Variants in WDR45 observed in about 807,000 individuals in gnomAD.
WDR45 encodes the protein WD repeat domain phosphoinositide-interacting protein 4.
A neutral mutation model predicts 27.3 loss-of-function variants in WDR45; 2 were observed. That is an observed-to-expected ratio of 0.07 (90% confidence interval 0.03 to 0.23). The LOEUF (loss-of-function observed/expected upper bound fraction) is 0.23, where lower values mean the gene tolerates loss of function less well. Among genes scored for constraint, WDR45 ranks in the 10% least tolerant of loss-of-function variants. WDR45 has a pLI of 1.00. For synonymous variants in WDR45, 99 were observed against 119.2 expected, an observed-to-expected ratio of 0.83 and a Z score of 1.11; for missense variants, 175 against 311.9, an observed-to-expected ratio of 0.56 and a Z score of 3.31.
intron 2 of WDR45, among the ~76,000 whole-genome samples, chrX:49,096,716 T>A (rs2065126741): frequency 1.8e-5 from 2 of 112,636 alleles, no homozygotes; most frequent in South Asian, 7.2e-4. Flanking sequence ...AGTGCTGGGA[T>A]TACAGGCATG....
chrX:49,091,802 G>A (rs1187145335), intron 2 of WDR45, among the ~76,000 whole-genome samples: 1 of 87,201 alleles, frequency 1.1e-5, no homozygotes, highest in African/African-American at 4.2e-5. Context: ...ATTTAGAAGA[G>A]TTCATACTAA....
chrX:49,078,098 T>C lies in WDR45; in HGVS notation c.-3A>G, dbSNP rs1557084571. The C allele has an allele frequency of 1.7e-6, 2 of 1,210,199 alleles. No individual in the cohort carries two copies. The highest frequency in any genetic ancestry group is 3.5e-5 in the African/African-American group (2 of 57,378). ...CCTCGAAGTGGCTGTTGAGTCATGG[T>C]GCAGGATTGTTCCTCTGCATACAAA... On this transcript the variant is annotated 5_prime_UTR_variant, in exon 2 of 11. Transcript: ENST00000376372.
chrX:49,078,280 G>A (rs1161774581), intron 1 of WDR45, among the ~76,000 whole-genome samples, 168 bp from the exon 2 acceptor site: 1 of 112,713 alleles, frequency 8.9e-6, no homozygotes, highest in Non-Finnish European at 1.9e-5. Flanking sequence ...CCAGCACTTT[G>A]GGAGGCCAAG....
At chrX:49,095,015 C>T (rs1400649848) in intron 2 of WDR45, among the ~76,000 whole-genome samples, 5 of 108,929 alleles carry the variant, frequency 4.6e-5, no homozygotes, top group African/African-American at 1.3e-4. Flanking sequence ...CTCAAACTCC[C>T]GACCTCAGGT....
intron 2 of WDR45, among the ~76,000 whole-genome samples, chrX:49,096,794 G>T (rs377262677): frequency 9.0e-6 from 1 of 111,286 alleles, no homozygotes; most frequent in African/African-American, 3.3e-5. Flanking sequence ...TCGCTCTGTC[G>T]CCAGGCTGGA....
rs1357951972 is a variant in WDR45, at chrX:49,097,474, G to A, written c.-18+2731C>T. ...CCCGAGTAGCTGGGACTACAGGCAC[G>A]TGCCACCATGCCCAGCTCATTTTTT... On this transcript the variant is annotated intron_variant, in intron 2 of 11. Transcript: ENST00000356463. Among the ~76,000 whole-genome samples the A allele has an allele frequency of 2.8e-5, 3 of 107,337 alleles. No individual in the cohort carries two copies. The East Asian group carries it at 8.8e-4, about 32-fold the overall frequency. 93.2% of individuals were successfully genotyped at this position (107,337 alleles called of 115,157 possible).
At chrX:49,075,976 C>T (rs1557084163) in intron 6 of WDR45, 31 bp from the exon 7 acceptor site, 5 of 1,124,160 alleles carry the variant, frequency 4.4e-6, no homozygotes, top group Admixed American at 2.3e-5. Flanking sequence ...GTGGGGTGGG[C>T]GGCTGAAGAG....
In WDR45 at chrX:49,076,505, T is replaced by G; in HGVS notation, c.361A>C (p.Asn121His). The G allele has an allele frequency of 8.3e-7, 1 of 1,211,996 alleles. No homozygotes were observed. The highest frequency in any genetic ancestry group is 1.8e-5 in the South Asian group (1 of 57,030). Residue 121 changes from asparagine to histidine, a missense_variant, in exon 6 of 11, where the codon AAC (asparagine) becomes CAC (histidine). Physicochemically the swap from Asn to His is moderately conservative, Grantham distance 68 (BLOSUM62 1). Around this residue, in one of 3 missense-constraint regions of WDR45, gnomAD observed 102 missense variants for 165.4 expected, o/e 0.62. Coordinates refer to ENST00000376372, the MANE Select transcript of WDR45 (RefSeq NM_001029896.2). ...GGGAAGGAGTACACATAGATGCGGT[T>G]CTTCAGCACGATCACGATCCTGTGG... ...RHDKIVIVLK[N>H]RIYVYSFPDN...
intron 2 of WDR45, among the ~76,000 whole-genome samples, chrX:49,098,205 G>C (rs925851237): frequency 5.4e-5 from 6 of 110,273 alleles, no homozygotes; most frequent in Non-Finnish European, 1.1e-4. Flanking sequence ...CTTTAAAAAA[G>C]ATAATACTGC....
At chrX:49,075,095 C>T in intron 10 of WDR45, 41 bp downstream of exon 10, 1 of 1,203,617 alleles carries the variant, frequency 8.3e-7, no homozygotes, top group South Asian at 1.8e-5. Flanking sequence ...CAGGCCTTTG[C>T]CCCATGCAGT....
chrX:49,078,062 G>C lies in WDR45; in HGVS notation c.34C>G (p.Leu12Val). Residue 12 changes from leucine (L) to valine (V), a missense_variant, in exon 2 of 11, where the codon CTG (leucine) becomes GTG (valine). Around this residue, in one of 3 missense-constraint regions of WDR45, gnomAD observed 102 missense variants for 165.4 expected, o/e 0.62. Coordinates refer to ENST00000376372, the MANE Select transcript of WDR45 (RefSeq NM_001029896.2). Reference sequence around the variant, plus strand: ...TCACTTTGGTCTTGGTTGAAACGCAGGCTGGTCACTCCTCGAAGTGGCTGT... The same window carrying C: ...TCACTTTGGTCTTGGTTGAAACGCACGCTGGTCACTCCTCGAAGTGGCTGT... ...TQQPLRGVTS[L>V]RFNQDQSCFC... 8.2e-7 allele frequency: 1 copy of C among 1,212,156 alleles called. No homozygotes were observed. Among genetic ancestry groups the C allele is most frequent in the East Asian group, 3.0e-5 (1 of 33,866 alleles).
intron 2 of WDR45, among the ~76,000 whole-genome samples, chrX:49,091,978 A>G (rs1602549735): frequency 2.0e-5 from 2 of 101,091 alleles, no homozygotes; most frequent in African/African-American, 7.2e-5. Context: ...AAAATTAGCC[A>G]GGCGTGGTGG....
chrX:49,078,153 C>T, intron 1 of WDR45, 41 bp from the exon 2 acceptor site: 15 of 1,134,682 alleles, frequency 1.3e-5, no homozygotes, highest in Non-Finnish European at 1.8e-5. Context: ...GTCCTGGAAT[C>T]TCCCCTCCAA....
rs782106479 is a variant in WDR45 at position 49,075,896 on chromosome X, C to T, written c.486G>A (p.Pro162=). 33 of 1,207,928 alleles carry T rather than the reference C, an allele frequency of 2.7e-5. No homozygotes were observed. Among genetic ancestry groups the T allele is most frequent in the South Asian group, 7.1e-5 (4 of 56,574 alleles). The change falls in exon 7 of 11, where the codon CCG becomes CCA. Residue 162 remains proline (P), a synonymous_variant. Transcript: ENST00000376372. ...GTTGCAGACTCCCACACTTGTGTCC[C>T]GGGAACACTAGCAGTTGCTTCTCCA... The part of the protein sequence containing the change: ...PSLEKQLLVF[P]GHKCGSLQLV...
intron 2 of WDR45, among the ~76,000 whole-genome samples, chrX:49,092,458 C>T (rs1476104708): frequency 2.7e-5 from 3 of 109,387 alleles, no homozygotes; most frequent in African/African-American, 1.0e-4. Context: ...AAATATAATA[C>T]CTATTTATGT....
intron 2 of WDR45, among the ~76,000 whole-genome samples, chrX:49,095,759 C>CTTTTTTT (rs1204267334): frequency 2.7e-4 from 7 of 26,151 alleles, no homozygotes; most frequent in African/African-American, 3.3e-4. Flanking sequence ...CGTGCCCGGC[C>CTTTTTTT]TTTTTTTTTT....
intron 2 of WDR45, among the ~76,000 whole-genome samples, chrX:49,090,554 T>C (rs1041629539): frequency 2.5e-4 from 28 of 111,426 alleles, no homozygotes; most frequent in African/African-American, 8.5e-4. Context: ...TTTTTTTTTT[T>C]GAGATGGAGT....
chrX:49,083,621 C>G (rs1214572168), upstream of WDR45, among the ~76,000 whole-genome samples: 1 of 110,421 alleles, frequency 9.1e-6, no homozygotes, highest in African/African-American at 3.3e-5. Flanking sequence ...GATGCTCCCC[C>G]ACTGTCTCCT....
intron 1 of WDR45, 42 bp downstream of exon 1, chrX:49,079,709 C>T (rs1226365897): frequency 8.9e-6 from 1 of 112,321 alleles, no homozygotes; most frequent in East Asian, 2.8e-4. Flanking sequence ...TGCCTTAGAC[C>T]CCTACTCGAA....
Sources: allele counts gnomAD v4.1 joint callset (sites outside exome capture counted in the v4.1 genomes callset), GRCh38; gene constraint gnomAD v4.1.1; regional missense constraint gnomAD v4.1.1; transcripts MANE v1.5; gene names NCBI Gene and HGNC (gene_info 2026-07-23, HGNC 2026-07-21).